Variants in CPED1 observed in about 807,000 individuals in gnomAD.
CPED1 encodes cadherin-like and PC-esterase domain-containing protein 1.
A neutral mutation model predicts 128.2 loss-of-function variants in CPED1; 114 were observed. The ratio of observed to expected loss-of-function variants is 0.89; its 90% CI spans 0.76 to 1.04. The LOEUF is 1.04. Ranked by LOEUF, CPED1 falls within the 50% of genes least tolerant of loss-of-function variation. CPED1 has a pLI of 0.00. For synonymous variants in CPED1, 462 were observed against 426.7 expected, an observed-to-expected ratio of 1.08 and a Z score of -1.02; for missense variants, 1,211 against 1,207.1, an observed-to-expected ratio of 1.00 and a Z score of -0.05.
intron 7 of CPED1, among the ~76,000 whole-genome samples, chr7:121,119,889 G>T (rs1391719758): frequency 6.6e-6 from 1 of 152,020 alleles, no homozygotes; most frequent in Non-Finnish European, 1.5e-5. Flanking sequence ...GACTACTCTA[G>T]ATACCTCACA....
At chr7:121,036,773 C>T (rs1419514989) in intron 3 of CPED1, among the ~76,000 whole-genome samples, 2 of 152,040 alleles carry the variant, frequency 1.3e-5, no homozygotes, top group Non-Finnish European at 2.9e-5. Context: ...AAAAGTGTTC[C>T]TTTTCACTAC....
chr7:121,226,465 A>G (rs1415207851), intron 16 of CPED1, among the ~76,000 whole-genome samples: 2 of 152,220 alleles, frequency 1.3e-5, no homozygotes, highest in South Asian at 4.1e-4. Context: ...TGGATGTAGC[A>G]TAAGTTATTT....
chr7:121,182,200 C>CTT (rs3068074), intron 16 of CPED1, among the ~76,000 whole-genome samples: 57,255 of 140,002 alleles, frequency 0.41, 11,992 homozygotes, highest in East Asian at 0.78. Flanking sequence ...TCGATGAGAG[C>CTT]TTTTTTTTTT....
rs1303606460 is a variant in CPED1 at position 121,256,123 on chromosome 7, ACAAAAC to A, written c.2311-10103_2311-10098del. ...AAGCAATCCTAAGCAAAAAAAAAAA[ACAAAAC>A]AAAAAAAAAAAACAAAGCTTATGCC... On this transcript the variant is annotated intron_variant, in intron 18 of 22. Coordinates refer to ENST00000310396, the MANE Select transcript of CPED1 (RefSeq NM_024913.5). Among the ~76,000 whole-genome samples, 549 of 64,012 alleles carry A rather than the reference ACAAAAC, an allele frequency of 8.6e-3. 40 individuals are homozygous for A. The highest frequency in any genetic ancestry group is 0.014 in the African/African-American group (387 of 26,752). 42.0% of individuals were successfully genotyped at this position (64,012 alleles called of 152,430 possible).
At chr7:121,003,764 T>A (rs942685470) in intron 2 of CPED1, among the ~76,000 whole-genome samples, 1 of 152,010 alleles carries the variant, frequency 6.6e-6, no homozygotes, top group Non-Finnish European at 1.5e-5. Flanking sequence ...CTCAGTCAGG[T>A]TGGAGAAAGT....
At chr7:120,995,391 G>A (rs1182866793) in intron 2 of CPED1, among the ~76,000 whole-genome samples, 1 of 151,986 alleles carries the variant, frequency 6.6e-6, no homozygotes, top group African/African-American at 2.4e-5. Context: ...AAAAACTTGT[G>A]GTCTCTTTTC....
chr7:121,282,496 C>T (rs1211015106), intron 22 of CPED1, among the ~76,000 whole-genome samples: 1 of 152,160 alleles, frequency 6.6e-6, no homozygotes, highest in Non-Finnish European at 1.5e-5. Context: ...AAACATCTTT[C>T]ACCGGAATAA....
chr7:121,017,527 C>T (rs763436005), intron 3 of CPED1, among the ~76,000 whole-genome samples: 1 of 152,084 alleles, frequency 6.6e-6, no homozygotes, highest in African/African-American at 2.4e-5. Flanking sequence ...ATAACTACTG[C>T]ACACTGCCAT....
At chr7:121,273,861 G>A (rs1792281398) in intron 22 of CPED1, among the ~76,000 whole-genome samples, 3 of 152,062 alleles carry the variant, frequency 2.0e-5, no homozygotes, top group Admixed American at 1.3e-4. Flanking sequence ...GAAATGCAAG[G>A]GCTGTAGCCT....
At chr7:121,157,150 C>A (rs1223350339) in intron 16 of CPED1, among the ~76,000 whole-genome samples, 1 of 152,134 alleles carries the variant, frequency 6.6e-6, no homozygotes, top group Non-Finnish European at 1.5e-5. Context: ...TTACCTCCTG[C>A]TGTTCAAGGG....
intron 7 of CPED1, among the ~76,000 whole-genome samples, chr7:121,111,782 T>C (rs534594373): frequency 1.5e-4 from 23 of 152,186 alleles, no homozygotes; most frequent in Non-Finnish European, 2.8e-4. Flanking sequence ...AGATGCGGGC[T>C]CCATTTCAAA....
chr7:121,059,452 A>T (rs1255726313), intron 4 of CPED1, among the ~76,000 whole-genome samples: 1 of 152,218 alleles, frequency 6.6e-6, no homozygotes, highest in Non-Finnish European at 1.5e-5. Context: ...AAGTAAAAGC[A>T]TGAACATTTC....
chr7:121,194,626 T>C (rs1314658061), intron 16 of CPED1, among the ~76,000 whole-genome samples: 1 of 152,146 alleles, frequency 6.6e-6, no homozygotes, highest in Non-Finnish European at 1.5e-5. Flanking sequence ...AAATGTAATA[T>C]GATGTGAAGG....
chr7:121,244,150 C>T (rs1215029922), intron 17 of CPED1, 52 bp from the exon 18 acceptor site: 2 of 1,611,162 alleles, frequency 1.2e-6, no homozygotes, highest in Non-Finnish European at 1.7e-6. Flanking sequence ...AAGTTACTTA[C>T]AAACTTCACC....
At chr7:121,097,948 C>G in intron 6 of CPED1, 117 bp downstream of exon 6, 7 of 990,502 alleles carry the variant, frequency 7.1e-6, no homozygotes, top group South Asian at 2.1e-5. Flanking sequence ...GTTTCTCTTA[C>G]ATAAATTTTC....
chr7:121,180,430 A>G (rs1404267), intron 16 of CPED1, among the ~76,000 whole-genome samples: 14,424 of 152,070 alleles, frequency 0.095, 852 homozygotes, highest in South Asian at 0.17. Context: ...AAAAATTCTG[A>G]GGCTCTTAGT....
chr7:121,272,301 G>A (rs780283623), intron 22 of CPED1, among the ~76,000 whole-genome samples: 16 of 152,012 alleles, frequency 1.1e-4, no homozygotes, highest in Admixed American at 2.6e-4. Flanking sequence ...GAGTAGAGAC[G>A]GGATGCTAAG....
At chr7:121,288,553 G>A (rs780769606) in intron 22 of CPED1, among the ~76,000 whole-genome samples, 26 of 152,152 alleles carry the variant, frequency 1.7e-4, no homozygotes, top group Non-Finnish European at 2.9e-4. Flanking sequence ...AATGGAAGCC[G>A]TACGCTTCAG....
chr7:121,144,535 C>T (rs1026025134), intron 16 of CPED1, among the ~76,000 whole-genome samples: 3 of 151,850 alleles, frequency 2.0e-5, no homozygotes, highest in African/African-American at 7.3e-5. Context: ...CTGAGTAGGG[C>T]AGTGGAGAGG....
Sources: gnomAD v4.1 joint callset for allele counts (sites outside exome capture counted in the v4.1 genomes callset) on GRCh38, gnomAD v4.1.1 for gene constraint, MANE v1.5 for transcripts, NCBI Gene and HGNC (gene_info 2026-07-23, HGNC 2026-07-21) for gene names.